Variants in FKBP5 observed in about 807,000 individuals in gnomAD.
FKBP5 encodes the protein peptidyl-prolyl cis-trans isomerase FKBP5.
Under a neutral mutation model 50.5 loss-of-function variants are expected in FKBP5, and 23 were observed. The observed-to-expected ratio is 0.46, with a 90% CI of 0.33 to 0.65. FKBP5 has a LOEUF of 0.65. Ranked by LOEUF, FKBP5 falls within the 30% of genes least tolerant of loss-of-function variation. FKBP5 has a pLI of 0.02. For synonymous variants in FKBP5, 176 were observed against 190.6 expected (o/e 0.92, Z 0.63); for missense variants, 411 against 553.1 (o/e 0.74, Z 2.58).
intron 1 of FKBP5, among the ~76,000 whole-genome samples, chr6:35,725,244 C>T (rs1347999249): frequency 1.3e-5 from 2 of 152,064 alleles, no homozygotes; most frequent in East Asian, 1.9e-4. Flanking sequence ...GATCCCCCTC[C>T]CTGCCGCGAG....
chr6:35,679,703 T>C (rs1371135835), intron 1 of FKBP5, among the ~76,000 whole-genome samples: 2 of 152,140 alleles, frequency 1.3e-5, no homozygotes, highest in Non-Finnish European at 2.9e-5. Flanking sequence ...TTCTCACCTA[T>C]AAGTGGGAGA....
intron 2 of FKBP5, 59 bp from the exon 3 acceptor site, chr6:35,637,217 T>C (rs1764337915): frequency 4.6e-6 from 7 of 1,516,496 alleles, no homozygotes; most frequent in Non-Finnish European, 6.3e-6. Flanking sequence ...AATCAGAGAA[T>C]AAAAAGGTCA....
intron 8 of FKBP5, chr6:35,583,778 A>G: frequency 1.0e-6 from 1 of 985,454 alleles, no homozygotes; most frequent in Non-Finnish European, 1.2e-6. Flanking sequence ...CACTAAAGGA[A>G]AGAGATGAAA....
chr6:35,575,963 CAAG>C, intron 10 of FKBP5, 21 bp from the exon 11 acceptor site: 1 of 1,508,072 alleles, frequency 6.6e-7, no homozygotes, highest in Non-Finnish European at 9.2e-7. Context: ...AATAAGCAAT[CAAG>C]AAGGTTAGAG....
intron 1 of FKBP5, among the ~76,000 whole-genome samples, chr6:35,687,673 TG>T (rs1270207929): frequency 6.6e-6 from 1 of 152,086 alleles, no homozygotes; most frequent in Non-Finnish European, 1.5e-5. Context: ...CTTATTCCAC[TG>T]GAAAACATAC....
At chr6:35,580,524 G>C in intron 8 of FKBP5, 1 of 78,352 alleles carries the variant, frequency 1.3e-5, no homozygotes, top group Non-Finnish European at 2.5e-5. Context: ...ATATTCTTTA[G>C]TCTTTTTTTT....
chr6:35,715,382 T>A (rs1185244796), intron 2 of FKBP5, among the ~76,000 whole-genome samples: 1 of 152,220 alleles, frequency 6.6e-6, no homozygotes, highest in Non-Finnish European at 1.5e-5. Context: ...ATAGTACCTA[T>A]CAAGGTTGTT....
At chr6:35,723,651 AAAG>A (rs575259136) in intron 1 of FKBP5, among the ~76,000 whole-genome samples, 200 of 152,366 alleles carry the variant, frequency 1.3e-3, no homozygotes, top group South Asian at 2.3e-3. Flanking sequence ...GAACTCAGAG[AAAG>A]AAGAAGGTCA....
intron 1 of FKBP5, among the ~76,000 whole-genome samples, chr6:35,655,349 G>C (rs1046253335): frequency 2.0e-5 from 3 of 151,936 alleles, no homozygotes; most frequent in Non-Finnish European, 4.4e-5. Context: ...TTTTGATAAG[G>C]GTGAAGACAG....
intron 5 of FKBP5, among the ~76,000 whole-genome samples, chr6:35,605,737 C>T (rs1247150695): frequency 2.6e-5 from 4 of 151,998 alleles, no homozygotes; most frequent in Non-Finnish European, 4.4e-5. Flanking sequence ...GGAAGCATTC[C>T]GCCTAAGAAC....
intron 1 of FKBP5, among the ~76,000 whole-genome samples, chr6:35,723,572 T>C (rs1439819233): frequency 2.0e-5 from 3 of 152,064 alleles, no homozygotes; most frequent in Non-Finnish European, 2.9e-5. Context: ...CACCGATAGA[T>C]GGAGGTAAAC....
chr6:35,582,537 T>G (rs1459214815), intron 8 of FKBP5: 14 of 522,622 alleles, frequency 2.7e-5, no homozygotes, highest in Non-Finnish European at 3.2e-5. Context: ...AGAAGGGAGC[T>G]ACAAGGAACC....
At chr6:35,623,058 C>T (rs907824461) in intron 3 of FKBP5, among the ~76,000 whole-genome samples, 2 of 151,998 alleles carry the variant, frequency 1.3e-5, no homozygotes, top group African/African-American at 2.4e-5. Context: ...CTGGCTCACA[C>T]GGTGAAACCC....
intron 1 of FKBP5, among the ~76,000 whole-genome samples, chr6:35,677,542 T>C (rs1765560953): frequency 6.6e-6 from 1 of 152,202 alleles, no homozygotes; most frequent in Non-Finnish European, 1.5e-5. Context: ...TTTCCCCTAC[T>C]ACAAAGCACT....
chr6:35,703,067 T>C (rs1461319009), intron 2 of FKBP5, among the ~76,000 whole-genome samples: 1 of 151,896 alleles, frequency 6.6e-6, no homozygotes, highest in Non-Finnish European at 1.5e-5. Flanking sequence ...CTGGCCAACA[T>C]GGCGAAACCC....
At chr6:35,717,714 G>A (rs1766538612) in intron 2 of FKBP5, among the ~76,000 whole-genome samples, 1 of 152,188 alleles carries the variant, frequency 6.6e-6, no homozygotes. Context: ...TTTCTGCCCG[G>A]GTGTTTGTGA....
At chr6:35,617,132 T>C (rs963898473) in intron 5 of FKBP5, among the ~76,000 whole-genome samples, 6 of 152,068 alleles carry the variant, frequency 3.9e-5, no homozygotes, top group African/African-American at 1.5e-4. Context: ...CATTTAAAGC[T>C]CTTCATGTAT....
intron 2 of FKBP5, among the ~76,000 whole-genome samples, chr6:35,706,514 A>G (rs1471344266): frequency 1.3e-5 from 2 of 152,182 alleles, no homozygotes; most frequent in African/African-American, 4.8e-5. Context: ...AAATTATGCA[A>G]TTTAATATAA....
intron 2 of FKBP5, among the ~76,000 whole-genome samples, chr6:35,702,217 A>G (rs934785900): frequency 1.8e-4 from 27 of 152,074 alleles, no homozygotes; most frequent in African/African-American, 6.3e-4. Context: ...TCTTGGTCCA[A>G]TAACTCCTCA....
Sources: gnomAD v4.1 joint callset for allele counts (sites outside exome capture counted in the v4.1 genomes callset) on GRCh38, gnomAD v4.1.1 for gene constraint, MANE v1.5 for transcripts, NCBI Gene and HGNC (gene_info 2026-07-23, HGNC 2026-07-21) for gene names.